The following ZFAND6 variants were observed in gnomAD, a reference collection of about 807,000 sequenced individuals.
ZFAND6 encodes AN1-type zinc finger protein 6.
In ZFAND6, 12 loss-of-function variants were observed where a neutral mutation model predicts 24.5. The ratio of observed to expected loss-of-function variants is 0.49; its 90% CI spans 0.31 to 0.79. The LOEUF is 0.79. ZFAND6 is among the 30% of genes least tolerant of loss of function. ZFAND6 has a pLI of 0.04. For synonymous variants in ZFAND6, 92 were observed against 81.5 expected (o/e 1.13, Z -0.69); for missense variants, 207 against 245.9 (o/e 0.84, Z 1.06).
intron 3 of ZFAND6, 69 bp from the exon 4 acceptor site, chr15:80,121,643 T>G (rs1443118573): frequency 4.5e-6 from 6 of 1,323,290 alleles, no homozygotes; most frequent in Non-Finnish European, 6.3e-6. Context: ...TGGATTTTGA[T>G]TTTTTTAGAT....
At chr15:80,129,379 T>C (rs2040501117) in intron 5 of ZFAND6, among the ~76,000 whole-genome samples, 1 of 152,226 alleles carries the variant, frequency 6.6e-6, no homozygotes, top group African/African-American at 2.4e-5. Flanking sequence ...ATTCTGCCTT[T>C]TGTCATCTTT....
Position 80,075,631 on chromosome 15 carries a change from A to AT in ZFAND6, c.-181+15829dup, listed in dbSNP as rs143314214. 7.2e-3 allele frequency among the ~76,000 whole-genome samples: 1,096 copies of AT among 152,122 alleles called. 14 individuals carry two copies. The highest frequency in any genetic ancestry group is 0.024 in the African/African-American group (1,015 of 41,534). On this transcript the variant is annotated intron_variant, in intron 1 of 6. Coordinates refer to ENST00000261749, the MANE Select transcript of ZFAND6 (RefSeq NM_019006.4). Reference sequence around the variant, plus strand: ...GATGCCATTCAAGAGGAACATAGTGATTTTTTTCCCTCCAAATAATATGAG... The same window carrying AT: ...GATGCCATTCAAGAGGAACATAGTGATTTTTTTTCCCTCCAAATAATATGAG...
intron 1 of ZFAND6, among the ~76,000 whole-genome samples, chr15:80,065,778 C>A (rs1027276763): frequency 6.6e-6 from 1 of 151,922 alleles, no homozygotes; most frequent in Non-Finnish European, 1.5e-5. Flanking sequence ...CCCCTGACCT[C>A]AGGTGATCTA....
intron 6 of ZFAND6, 109 bp from the exon 7 acceptor site, chr15:80,137,371 T>G: frequency 8.1e-7 from 1 of 1,227,348 alleles, no homozygotes; most frequent in Non-Finnish European, 1.1e-6. Flanking sequence ...AGAATGATTC[T>G]TTAGTTTACA....
intron 6 of ZFAND6, among the ~76,000 whole-genome samples, chr15:80,132,283 GT>G (rs2040640019): frequency 6.6e-6 from 1 of 152,114 alleles, no homozygotes; most frequent in South Asian, 2.1e-4. Flanking sequence ...ATTAAGAAGA[GT>G]TAGGCATGTC....
intron 2 of ZFAND6, among the ~76,000 whole-genome samples, chr15:80,103,330 C>T (rs529907975): frequency 1.3e-5 from 2 of 152,252 alleles, no homozygotes; most frequent in African/African-American, 4.8e-5. Flanking sequence ...TGAGCACTTA[C>T]TCTAATACAT....
At chr15:80,073,350 T>C in intron 1 of ZFAND6, 1 of 328,902 alleles carries the variant, frequency 3.0e-6, no homozygotes, top group Admixed American at 4.3e-5. Context: ...TACAACTTTT[T>C]TTTAAAGTAT....
At chr15:80,064,526 T>C (rs1191152454) in intron 1 of ZFAND6, among the ~76,000 whole-genome samples, 2 of 152,200 alleles carry the variant, frequency 1.3e-5, no homozygotes, top group Non-Finnish European at 2.9e-5. Context: ...AAACTTTTTA[T>C]ATTTTTAGGA....
At chr15:80,094,804 A>T (rs1428671856) in intron 1 of ZFAND6, among the ~76,000 whole-genome samples, 2 of 151,840 alleles carry the variant, frequency 1.3e-5, no homozygotes, top group African/African-American at 2.4e-5. Flanking sequence ...TTTGTGTGTG[A>T]GACGGGGTTT....
Position 80,105,060 on chromosome 15 carries a change from T to G in ZFAND6, c.-18+6482T>G, listed in dbSNP as rs550991466. ...AGACTCCTTATCATGGAAACACAGA[T>G]TTTGTGATGTGGCCTTATTCTAAGA... On this transcript the variant is annotated intron_variant, in intron 2 of 6. Coordinates refer to ENST00000261749, the MANE Select transcript of ZFAND6 (RefSeq NM_019006.4). 4.6e-5 allele frequency among the ~76,000 whole-genome samples: 7 copies of G among 152,316 alleles called. No homozygotes were observed. The South Asian group carries it at 1.2e-3, about 27-fold the overall frequency.
intron 3 of ZFAND6, among the ~76,000 whole-genome samples, chr15:80,121,219 T>C (rs894512657): frequency 6.6e-6 from 1 of 152,214 alleles, no homozygotes; most frequent in Non-Finnish European, 1.5e-5. Flanking sequence ...TTGTCTGTTT[T>C]TGTTCAAGCC....
chr15:80,111,670 G>A, intron 2 of ZFAND6: 2 of 328,072 alleles, frequency 6.1e-6, no homozygotes, highest in Non-Finnish European at 1.2e-5. Context: ...TTTCTTATAA[G>A]TGGGAGGGGC....
intron 1 of ZFAND6, among the ~76,000 whole-genome samples, chr15:80,065,806 A>G (rs944171186): frequency 6.6e-6 from 1 of 151,968 alleles, no homozygotes; most frequent in Non-Finnish European, 1.5e-5. Flanking sequence ...CGGCCTCCCA[A>G]AGTGCTGGGA....
At chr15:80,125,405 A>T (rs1003921633) in intron 5 of ZFAND6, among the ~76,000 whole-genome samples, 1 of 152,230 alleles carries the variant, frequency 6.6e-6, no homozygotes, top group Admixed American at 6.5e-5. Context: ...TATATGTCTA[A>T]GCCAGAAGTT....
chr15:80,120,922 G>T (rs1406211456), intron 3 of ZFAND6: 1 of 152,368 alleles, frequency 6.6e-6, no homozygotes, highest in African/African-American at 2.4e-5. Context: ...TAGGAAGGAG[G>T]AGTATCGTGG....
intron 1 of ZFAND6, among the ~76,000 whole-genome samples, chr15:80,094,189 T>C (rs887850617): frequency 5.3e-5 from 8 of 152,342 alleles, no homozygotes; most frequent in African/African-American, 1.7e-4. Context: ...AAAATAGACA[T>C]GTATTTCCTA....
At chr15:80,124,908 T>C (rs1567095334) in intron 5 of ZFAND6, among the ~76,000 whole-genome samples, 1 of 152,214 alleles carries the variant, frequency 6.6e-6, no homozygotes. Context: ...ATTTAACATA[T>C]TATTGAATTA....
intron 6 of ZFAND6, among the ~76,000 whole-genome samples, chr15:80,135,614 A>G (rs1287984661): frequency 6.6e-6 from 1 of 152,106 alleles, no homozygotes; most frequent in Non-Finnish European, 1.5e-5. Flanking sequence ...TGGAGATGAA[A>G]AAGAAAGGAA....
intron 2 of ZFAND6, among the ~76,000 whole-genome samples, chr15:80,106,662 AT>A (rs2039345608): frequency 1.3e-5 from 2 of 150,390 alleles, no homozygotes; most frequent in Non-Finnish European, 2.9e-5. Context: ...GCATATTTTA[AT>A]TCATGTTGAA....
Sources: gnomAD v4.1 joint callset for allele counts (sites outside exome capture counted in the v4.1 genomes callset) on GRCh38, gnomAD v4.1.1 for gene constraint, MANE v1.5 for transcripts, NCBI Gene and HGNC (gene_info 2026-07-23, HGNC 2026-07-21) for gene names.